Variants in ERICH1 observed in about 807,000 individuals in gnomAD.
ERICH1 encodes the protein glutamate-rich protein 1.
In ERICH1, 56 loss-of-function variants were observed where a neutral mutation model predicts 39.6. The observed-to-expected ratio is 1.41, with a 90% confidence interval of 1.14 to 1.77. The LOEUF is 1.77. ERICH1 is among the 40% of genes most tolerant of loss of function. The pLI is 0.00. For synonymous variants in ERICH1, 313 were observed against 223.6 expected, an observed-to-expected ratio of 1.40 and a Z score of -3.57; for missense variants, 826 against 575.4, an observed-to-expected ratio of 1.44 and a Z score of -4.45.
chr8:642,337 T>G (rs1400375108), intron 3 of ERICH1, among the ~76,000 whole-genome samples: 1 of 4,272 alleles, frequency 2.3e-4, no homozygotes, highest in South Asian at 0.012. Context: ...TGGTCTGGAC[T>G]TTTTTTTTTT....
chr8:695,633 CTGTGCTTG>C, intron 2 of ERICH1, among the ~76,000 whole-genome samples: 1 of 26,450 alleles, frequency 3.8e-5, no homozygotes, highest in Non-Finnish European at 7.6e-5. Flanking sequence ...CAGCCTGCAC[CTGTGCTTG>C]CTCCTCTCGC....
chr8:645,939 T>C (rs1585026540), intron 3 of ERICH1, among the ~76,000 whole-genome samples: 1 of 69,966 alleles, frequency 1.4e-5, no homozygotes, highest in East Asian at 3.0e-4. Context: ...GAGTGCCGTG[T>C]CTGTACATCC....
chr8:631,036 G>A (rs901076582), intron 3 of ERICH1, among the ~76,000 whole-genome samples: 1 of 147,758 alleles, frequency 6.8e-6, no homozygotes, highest in Non-Finnish European at 1.5e-5. Flanking sequence ...ACCCTCCCGT[G>A]ACCACCCACC....
chr8:660,476 G>C (rs1801259506), downstream of ERICH1, among the ~76,000 whole-genome samples: 1 of 152,196 alleles, frequency 6.6e-6, no homozygotes, highest in Non-Finnish European at 1.5e-5. Flanking sequence ...AGCCAGCAAG[G>C]ACACGGAGCC....
intron 3 of ERICH1, among the ~76,000 whole-genome samples, chr8:642,740 G>T (rs1799158752): frequency 6.6e-6 from 1 of 152,102 alleles, no homozygotes; most frequent in African/African-American, 2.4e-5. Flanking sequence ...TGAGGCGCTG[G>T]CCCTCTTCTT....
chr8:617,963 T>C (rs932240174), intron 3 of ERICH1, among the ~76,000 whole-genome samples: 57 of 144,050 alleles, frequency 4.0e-4, no homozygotes, highest in African/African-American at 1.4e-3. Context: ...GCCCTCTGAG[T>C]GCTGGGTGCT....
At chr8:641,016 C>T (rs3735929) in intron 3 of ERICH1, 13 of 152,308 alleles carry the variant, frequency 8.5e-5, no homozygotes, top group East Asian at 3.9e-4. Context: ...GTGGGATTCG[C>T]CCTGATGCTT....
chr8:624,971 T>A (rs1218571543), intron 3 of ERICH1, among the ~76,000 whole-genome samples: 3 of 152,066 alleles, frequency 2.0e-5, no homozygotes, highest in Admixed American at 2.0e-4. Context: ...CGTGATCCGC[T>A]TGCCTCGGCC....
intron 3 of ERICH1, among the ~76,000 whole-genome samples, chr8:687,578 G>A (rs977927784): frequency 9.2e-5 from 14 of 152,304 alleles, no homozygotes; most frequent in East Asian, 1.9e-4. Context: ...GGGAGGCAGC[G>A]GCGCAGGGAG....
intron 3 of ERICH1, among the ~76,000 whole-genome samples, chr8:689,991 G>C (rs1450256141): frequency 6.6e-6 from 1 of 152,148 alleles, no homozygotes; most frequent in African/African-American, 2.4e-5. Flanking sequence ...CTGCCAAAAA[G>C]GACAACTTTC....
intron 2 of ERICH1, among the ~76,000 whole-genome samples, chr8:712,573 G>A (rs1235577916): frequency 6.6e-6 from 1 of 152,178 alleles, no homozygotes; most frequent in East Asian, 1.9e-4. Context: ...GGGACTACAG[G>A]TGTGCACCAC....
chr8:619,503 A>T (rs1268075441), intron 3 of ERICH1, among the ~76,000 whole-genome samples: 1 of 152,242 alleles, frequency 6.6e-6, no homozygotes. Flanking sequence ...GGTGGAACAA[A>T]GCTGTACTGG....
chr8:624,966 T>C (rs1185660856), intron 3 of ERICH1, among the ~76,000 whole-genome samples: 2 of 152,126 alleles, frequency 1.3e-5, no homozygotes, highest in Non-Finnish European at 2.9e-5. Flanking sequence ...GACCTCGTGA[T>C]CCGCTTGCCT....
rs1453250918 is a variant in ERICH1, at chr8:673,553, TAAC to T, written c.796_798del (p.Val266del). On this transcript the variant is annotated inframe_deletion, in exon 4 of 6. Coordinates refer to ENST00000262109, the MANE Select transcript of ERICH1 (RefSeq NM_207332.3). ...ACACCGTCCTCCTCCCTGGCGTCTTTAACGTCTTCCTCCCCGGCCGGTGTCGGA... is the reference window on the plus strand; with the variant it reads ...ACACCGTCCTCCTCCCTGGCGTCTTTGTCTTCCTCCCCGGCCGGTGTCGGA... The T allele has an allele frequency of 6.2e-7, 1 of 1,608,184 alleles. No individual in the cohort carries two copies. The highest frequency in any genetic ancestry group is 1.3e-5 in the African/African-American group (1 of 74,262).
rs1450138780 is a variant in ERICH1, at chr8:710,165, C to T, written c.169+5696G>A. ...GGTCTGCAGTTTACATTGCGGTTCA[C>T]TCTCGTACATCCTGTGAGTTGAAGC... On this transcript the variant is annotated intron_variant, in intron 2 of 5. Transcript: ENST00000262109. Among the ~76,000 whole-genome samples, 2 of 152,250 alleles carry T rather than the reference C, an allele frequency of 1.3e-5. 1 individual carries two copies.
chr8:673,727 C>T lies in ERICH1; in HGVS notation c.625G>A (p.Asp209Asn). 1.9e-6 allele frequency: 3 copies of T among 1,614,202 alleles called. No homozygotes were observed. Among genetic ancestry groups the T allele is most frequent in the Non-Finnish European group, 8.5e-7 (1 of 1,180,020 alleles). The change falls in exon 4 of 6, where the codon GAT (aspartate) becomes AAT (asparagine). Residue 209 changes from aspartate (D) to asparagine (N), a missense_variant. Asp to Asn is a conservative substitution (Grantham distance 23). Coordinates refer to ENST00000262109, the MANE Select transcript of ERICH1 (RefSeq NM_207332.3). ...GEGVGEACEE[D>N]GVDTSEEDPT... Reference sequence around the variant, plus strand: ...TCTTCCTCGCTGGTGTCCACACCATCCTCCTCACAAGCCTCTCCCACGCCT... The same window carrying T: ...TCTTCCTCGCTGGTGTCCACACCATTCTCCTCACAAGCCTCTCCCACGCCT...
At chr8:717,979 C>G (rs928410584) in intron 1 of ERICH1, among the ~76,000 whole-genome samples, 13 of 152,266 alleles carry the variant, frequency 8.5e-5, no homozygotes, top group African/African-American at 2.4e-4. Context: ...AACAAGGCAG[C>G]TGATCCCAAA....
intron 2 of ERICH1, among the ~76,000 whole-genome samples, chr8:711,756 C>A (rs1334455066): frequency 6.6e-6 from 1 of 152,200 alleles, no homozygotes; most frequent in Admixed American, 6.5e-5. Context: ...CTTGGCCTCC[C>A]AAAGTGCTGG....
intron 3 of ERICH1, among the ~76,000 whole-genome samples, chr8:628,087 G>C (rs1049452778): frequency 3.9e-5 from 6 of 152,218 alleles, no homozygotes; most frequent in Admixed American, 1.3e-4. Flanking sequence ...GACCCTGCCC[G>C]AGACCACAGA....
Sources: gnomAD v4.1 joint callset for allele counts (sites outside exome capture counted in the v4.1 genomes callset) on GRCh38, gnomAD v4.1.1 for gene constraint, MANE v1.5 for transcripts, NCBI Gene and HGNC (gene_info 2026-07-23, HGNC 2026-07-21) for gene names.